SLC4A4: variants seen among roughly 807,000 people sequenced by gnomAD.
The protein encoded by SLC4A4 is solute carrier family 4 member 4.
In SLC4A4, 27 loss-of-function variants were observed where a neutral mutation model predicts 111.5. The ratio of observed to expected loss-of-function variants is 0.24; its 90% confidence interval spans 0.18 to 0.33. The LOEUF (loss-of-function observed/expected upper bound fraction) is 0.33, where lower values mean the gene tolerates loss of function less well. Among genes scored for constraint, SLC4A4 ranks in the 10% least tolerant of loss-of-function variants. The pLI is 1.00. For missense variants in SLC4A4, 909 were observed against 1,315.5 expected, an observed-to-expected ratio of 0.69 and a Z score of 4.78; for synonymous variants, 443 against 463.4, an observed-to-expected ratio of 0.96 and a Z score of 0.57.
At chr4:71,393,134 C>T (rs1202262014) in intron 6 of SLC4A4, among the ~76,000 whole-genome samples, 3 of 151,960 alleles carry the variant, frequency 2.0e-5, no homozygotes, top group African/African-American at 7.2e-5. Flanking sequence ...CTTTCACCAC[C>T]CCTCTTCAAC....
At chr4:71,255,175 G>C in intron 2 of SLC4A4, 45 bp from the exon 3 acceptor site, 2 of 1,542,812 alleles carry the variant, frequency 1.3e-6, no homozygotes, top group Non-Finnish European at 1.8e-6. Context: ...GTCTGCAGTA[G>C]AGAATGTGGT....
intron 2 of SLC4A4, among the ~76,000 whole-genome samples, chr4:71,247,292 A>G (rs1250650267): frequency 6.7e-6 from 1 of 148,264 alleles, no homozygotes; most frequent in African/African-American, 2.4e-5. Context: ...ATATATAACC[A>G]TATGTAATAT....
chr4:71,146,583 A>G (rs1474725769), intron 2 of SLC4A4, among the ~76,000 whole-genome samples: 1 of 152,166 alleles, frequency 6.6e-6, no homozygotes, highest in African/African-American at 2.4e-5. Flanking sequence ...GTGGGAGTCT[A>G]AGTCTCTTTG....
chr4:71,314,409 AT>A (rs992986835), intron 3 of SLC4A4, among the ~76,000 whole-genome samples: 8 of 152,228 alleles, frequency 5.3e-5, no homozygotes, highest in African/African-American at 1.9e-4. Flanking sequence ...CAGCAATCCC[AT>A]TACTGGGTAT....
At chr4:71,177,315 T>C (rs1158494995) in intron 2 of SLC4A4, among the ~76,000 whole-genome samples, 1 of 152,120 alleles carries the variant, frequency 6.6e-6, no homozygotes, top group Non-Finnish European at 1.5e-5. Flanking sequence ...CAGGATCAAA[T>C]TCATGCATAA....
chr4:71,189,133 C>T (rs1435912061), intron 1 of SLC4A4, among the ~76,000 whole-genome samples: 1 of 152,058 alleles, frequency 6.6e-6, no homozygotes, highest in Non-Finnish European at 1.5e-5. Flanking sequence ...TTTTGATAGT[C>T]CCAGCCATGT....
rs1743322916 is a variant in SLC4A4, at chr4:71,118,161, G to A, written c.-2+25369G>A. On this transcript the variant is annotated intron_variant, in intron 2 of 26. Transcript: ENST00000649996. ...CACAGTGCTGGGATTACAGACATGA[G>A]CCACCATGCCTGGCCTTTTAAATAC... Among the ~76,000 whole-genome samples the A allele has an allele frequency of 2.0e-5, 3 of 152,176 alleles. No individual in the cohort carries two copies. The South Asian group carries it at 6.2e-4, about 32-fold the overall frequency.
chr4:71,198,434 C>T (rs1369000659), intron 1 of SLC4A4, among the ~76,000 whole-genome samples: 1 of 152,094 alleles, frequency 6.6e-6, no homozygotes, highest in Non-Finnish European at 1.5e-5. Flanking sequence ...CTAGAATATT[C>T]CTTTGAGGGT....
chr4:71,339,325 G>A (rs766912514), intron 3 of SLC4A4, 45 bp from the exon 4 acceptor site: 4 of 1,614,172 alleles, frequency 2.5e-6, no homozygotes, highest in East Asian at 2.2e-5. Flanking sequence ...ACTTTCCTCA[G>A]GGTTGTCCAG....
chr4:71,272,266 A>G (rs928333969), intron 3 of SLC4A4, among the ~76,000 whole-genome samples: 3 of 152,178 alleles, frequency 2.0e-5, no homozygotes, highest in Non-Finnish European at 4.4e-5. Context: ...GTGTTTCCCC[A>G]GAGTGTTAAC....
In SLC4A4 at chr4:71,546,464, G is replaced by A. The variant is rs369743555; in HGVS notation, c.2557G>A (p.Asp853Asn). ...TACGGTCATCTCCATTGCTCACATC[G>A]ACAGTTTGAAGATGGAGACAGAGAC... ...AATVISIAHIDSLKMETETSA... is the reference protein window; with the variant it reads ...AATVISIAHINSLKMETETSA... The change falls in exon 19 of 26, where the codon GAC becomes AAC. Residue 853 changes from aspartate to asparagine, a missense_variant. Asp to Asn is a conservative substitution (Grantham distance 23, BLOSUM62 1). Transcript: ENST00000264485. 52 of 1,612,472 alleles carry A rather than the reference G, an allele frequency of 3.2e-5. 1 individual carries two copies. Among genetic ancestry groups the A allele is most frequent in the Non-Finnish European group, 4.1e-5 (48 of 1,179,098 alleles).
chr4:71,329,497 C>G (rs1044535434), intron 3 of SLC4A4, among the ~76,000 whole-genome samples: 1 of 152,018 alleles, frequency 6.6e-6, no homozygotes, highest in African/African-American at 2.4e-5. Context: ...TTTCGTGCAT[C>G]AATGTTTTAT....
At chr4:71,105,149 C>A (rs1742870871) in intron 2 of SLC4A4, among the ~76,000 whole-genome samples, 2 of 144,060 alleles carry the variant, frequency 1.4e-5, no homozygotes, top group Admixed American at 1.4e-4. Flanking sequence ...AGAGCCAAAT[C>A]ATGAGTGAAC....
chr4:71,337,072 T>A (rs1261934894), intron 3 of SLC4A4, among the ~76,000 whole-genome samples: 3 of 152,226 alleles, frequency 2.0e-5, no homozygotes, highest in African/African-American at 7.2e-5. Context: ...CACTGACATA[T>A]TTTAAAGAAA....
chr4:71,127,263 A>G (rs181016014), intron 2 of SLC4A4, among the ~76,000 whole-genome samples: 1 of 152,098 alleles, frequency 6.6e-6, no homozygotes, highest in East Asian at 1.9e-4. Flanking sequence ...GGAGATGCCC[A>G]TGCTAGCGAG....
intron 6 of SLC4A4, among the ~76,000 whole-genome samples, chr4:71,383,765 T>A (rs1049736694): frequency 6.6e-6 from 1 of 152,180 alleles, no homozygotes; most frequent in African/African-American, 2.4e-5. Context: ...TACTACCTTT[T>A]CTTATTTTGT....
rs1049046530 is a variant in SLC4A4, at chr4:71,103,663, G to A, written c.-2+10871G>A. On this transcript the variant is annotated intron_variant, in intron 2 of 26. Transcript: ENST00000649996. ...CATGGAAACTGAACAACCTGCTCCTGAATGACTACCGGATACATAACGAAA... is the reference window on the plus strand; with the variant it reads ...CATGGAAACTGAACAACCTGCTCCTAAATGACTACCGGATACATAACGAAA... Among the ~76,000 whole-genome samples the A allele has an allele frequency of 1.6e-4, 24 of 152,224 alleles. No individual in the cohort carries two copies. In the East Asian group the frequency reaches 2.3e-3, roughly 15 times the overall value.
rs543798645 is a variant in SLC4A4 at position 71,229,010 on chromosome 4, C to A, written c.-1-7566C>A. Among the ~76,000 whole-genome samples, 229 of 152,290 alleles carry A rather than the reference C, an allele frequency of 1.5e-3. 1 individual carries two copies. Among genetic ancestry groups the A allele is most frequent in the Non-Finnish European group, 2.4e-3 (166 of 68,032 alleles). ...GATCCATGTATCCACAGATAAGATACTGAATAGAGCCAACCACAGGGGTCC... is the reference window on the plus strand; with the variant it reads ...GATCCATGTATCCACAGATAAGATAATGAATAGAGCCAACCACAGGGGTCC... On this transcript the variant is annotated intron_variant, in intron 1 of 25. Transcript: ENST00000264485.
chr4:71,270,156 C>T (rs780139157), intron 3 of SLC4A4, among the ~76,000 whole-genome samples: 11 of 152,182 alleles, frequency 7.2e-5, no homozygotes, highest in African/African-American at 2.4e-4. Context: ...GGCGCAATCT[C>T]GGCTCACTGC....
Sources: allele counts gnomAD v4.1 joint callset (sites outside exome capture counted in the v4.1 genomes callset), GRCh38; gene constraint gnomAD v4.1.1; transcripts MANE v1.5; gene names NCBI Gene and HGNC (gene_info 2026-07-23, HGNC 2026-07-21).